ABCC12: variants seen among roughly 807,000 people sequenced by gnomAD.
The protein encoded by ABCC12 is ATP-binding cassette sub-family C member 12.
A neutral mutation model predicts 151.1 loss-of-function variants in ABCC12; 142 were observed. That is an observed-to-expected ratio of 0.94 (90% CI 0.82 to 1.08). The LOEUF is 1.08. Ranked by LOEUF, ABCC12 falls within the 50% of genes least tolerant of loss-of-function variation. The pLI is 0.00. For synonymous variants in ABCC12, 645 were observed against 646.4 expected, an observed-to-expected ratio of 1.00 and a Z score of 0.03; for missense variants, 1,638 against 1,691.1, an observed-to-expected ratio of 0.97 and a Z score of 0.55.
chr16:48,138,199 G>C (rs201535431), intron 8 of ABCC12, 29 bp downstream of exon 8: 1 of 1,578,066 alleles, frequency 6.3e-7, no homozygotes, highest in Non-Finnish European at 8.7e-7. Flanking sequence ...CAAGGTAAGT[G>C]GTTCTTTAAG....
At chr16:48,104,411 C>T in intron 21 of ABCC12, 43 bp from the exon 22 acceptor site, 2 of 1,565,324 alleles carry the variant, frequency 1.3e-6, no homozygotes, top group Non-Finnish European at 1.8e-6. Context: ...GAGATGCGTG[C>T]TTAGTAAACC....
chr16:48,141,002 C>A, intron 5 of ABCC12, 82 bp from the exon 6 acceptor site: 2 of 1,454,210 alleles, frequency 1.4e-6, no homozygotes, highest in East Asian at 2.3e-5. Flanking sequence ...TGCCAGCAAG[C>A]TGACTTTAAG....
chr16:48,128,381 T>C, intron 11 of ABCC12, 78 bp downstream of exon 11: 2 of 1,565,812 alleles, frequency 1.3e-6, no homozygotes, highest in Non-Finnish European at 1.7e-6. Flanking sequence ...AACTGAACTG[T>C]ATCAGACCTG....
chr16:48,121,822 C>T lies in ABCC12; in HGVS notation c.1606G>A (p.Val536Met), dbSNP rs754700430. Residue 536 changes from valine to methionine, a missense_variant, in exon 13 of 31, where the codon GTG (valine) becomes ATG (methionine). By Grantham distance (21) the Val-to-Met change is conservative. Coordinates refer to ENST00000311303, the MANE Select transcript of ABCC12 (RefSeq NM_001393797.1). ...LLGQMQLQKG[V>M]VAVNGTLAYV... is the part of the protein sequence containing the mutation. ...GCCAAAGTTCCATTGACTGCCACCA[C>T]CCCTTTCTGCAGCTGCATCTGGAAC... 2 of 1,614,092 alleles carry T rather than the reference C, an allele frequency of 1.2e-6. No individual in the cohort carries two copies. The highest frequency in any genetic ancestry group is 1.7e-6 in the Non-Finnish European group (2 of 1,180,040).
chr16:48,115,434 AG>A lies in ABCC12; in HGVS notation c.1969del (p.Leu657TrpfsTer2). 1 of 1,614,050 alleles carries A rather than the reference AG, an allele frequency of 6.2e-7. No homozygotes were observed. Among genetic ancestry groups the A allele is most frequent in the South Asian group, 1.1e-5 (1 of 91,078 alleles). Reference protein sequence around the residue: ...KKTLRGKTVVLVTHQLQFLES... With the variant: ...KKTLRGKTVVXVTHQLQFLES... ...CATCACCTGTAGCTGGTGGGTCACC[AG>A]GACGACTGTCTTTCCCCTGAGCGTC... On this transcript the variant is annotated frameshift_variant, in exon 15 of 31. Transcript: ENST00000311303. LOFTEE classifies it high-confidence loss of function.
At chr16:48,096,635 A>G in intron 24 of ABCC12, 111 bp downstream of exon 24, 1 of 1,157,792 alleles carries the variant, frequency 8.6e-7, no homozygotes, top group South Asian at 1.4e-5. Flanking sequence ...TCCCTTTCTC[A>G]TTTAAACCCA....
rs1259882814 is a variant in ABCC12, at chr16:48,081,933, C to T, written c.*1782G>A. On this transcript the variant is annotated 3_prime_UTR_variant, in exon 31 of 31. Coordinates refer to ENST00000311303, the MANE Select transcript of ABCC12 (RefSeq NM_001393797.1). ...GCACAACTGTCATGGATTCCCATGGCCAGCACAGACTGCCCAGTCTGCTTG... is the reference window on the plus strand; with the variant it reads ...GCACAACTGTCATGGATTCCCATGGTCAGCACAGACTGCCCAGTCTGCTTG... Among the ~76,000 whole-genome samples the T allele has an allele frequency of 6.6e-6, 1 of 152,132 alleles. No individual in the cohort carries two copies. The highest frequency in any genetic ancestry group is 1.5e-5 in the Non-Finnish European group (1 of 68,030).
intron 23 of ABCC12, 63 bp downstream of exon 23, chr16:48,100,809 A>C (rs569848750): frequency 7.0e-6 from 11 of 1,568,218 alleles, no homozygotes; most frequent in Middle Eastern, 1.9e-4. Context: ...CCTCCTGTGC[A>C]CTCCCCATCG....
At chr16:48,155,680 C>A (rs989291608) in intron 1 of ABCC12, 161 bp downstream of exon 1, 1 of 152,256 alleles carries the variant, frequency 6.6e-6, no homozygotes, top group African/African-American at 2.4e-5. Flanking sequence ...TGCTGCCTCC[C>A]ACTTGGGCAG....
chr16:48,096,988 G>A (rs1000092602), intron 23 of ABCC12, 86 bp from the exon 24 acceptor site: 6 of 1,550,682 alleles, frequency 3.9e-6, no homozygotes, highest in African/African-American at 2.7e-5. Context: ...TAGACTTAAG[G>A]TTAGGGTGAC....
intron 2 of ABCC12, among the ~76,000 whole-genome samples, chr16:48,152,186 C>G (rs530451798): frequency 6.6e-6 from 1 of 152,348 alleles, no homozygotes; most frequent in South Asian, 2.1e-4. Context: ...CCACTCAGAA[C>G]AGCCTCCTGC....
chr16:48,139,188 A>G lies in ABCC12; in HGVS notation c.806T>C (p.Val269Ala), dbSNP rs1242891020. The change falls in exon 7 of 31, where the codon GTG becomes GCG. Residue 269 changes from valine (V) to alanine (A), a missense_variant. Physicochemically the swap from Val to Ala is moderately conservative, Grantham distance 64 (BLOSUM62 0). Transcript: ENST00000311303. Reference protein sequence around the residue: ...LGPTALIGISVYVIFIPVQMF... With the variant: ...LGPTALIGISAYVIFIPVQMF... Reference sequence around the variant, plus strand: ...CTGGACGGGTATGAATATGACATACACTGATATCCCGATGAGAGCTGTGGG... The same window carrying G: ...CTGGACGGGTATGAATATGACATACGCTGATATCCCGATGAGAGCTGTGGG... The G allele has an allele frequency of 1.2e-6, 2 of 1,610,780 alleles. No homozygotes were observed. Among genetic ancestry groups the G allele is most frequent in the Admixed American group, 1.7e-5 (1 of 58,868 alleles).
chr16:48,143,062 A>C (rs1964873514), intron 4 of ABCC12, among the ~76,000 whole-genome samples: 1 of 152,270 alleles, frequency 6.6e-6, no homozygotes, highest in Non-Finnish European at 1.5e-5. Flanking sequence ...AATGACATTT[A>C]CATTTTTACA....
At chr16:48,115,362 G>C in intron 15 of ABCC12, 53 bp downstream of exon 15, 1 of 1,579,556 alleles carries the variant, frequency 6.3e-7, no homozygotes, top group Non-Finnish European at 8.7e-7. Context: ...GTGAGCATCA[G>C]ATCCCCAGCC....
At chr16:48,150,672 A>G (rs1965105391) in intron 2 of ABCC12, among the ~76,000 whole-genome samples, 1 of 152,188 alleles carries the variant, frequency 6.6e-6, no homozygotes, top group Non-Finnish European at 1.5e-5. Flanking sequence ...ATCGTATTAG[A>G]ACTAAGATCT....
intron 2 of ABCC12, among the ~76,000 whole-genome samples, 190 bp downstream of exon 2, chr16:48,153,426 C>T (rs556662770): frequency 5.9e-5 from 9 of 152,062 alleles, no homozygotes; most frequent in Non-Finnish European, 8.8e-5. Context: ...TTTTTCTGCA[C>T]ACTTCTCAGC....
At chr16:48,145,426 T>C (rs886450192) in intron 3 of ABCC12, among the ~76,000 whole-genome samples, 1 of 152,252 alleles carries the variant, frequency 6.6e-6, no homozygotes, top group Non-Finnish European at 1.5e-5. Context: ...CCTGAGTTTC[T>C]ATCCTGGATT....
At chr16:48,143,834 A>G in intron 4 of ABCC12, 76 bp downstream of exon 4, 1 of 1,512,372 alleles carries the variant, frequency 6.6e-7, no homozygotes, top group Non-Finnish European at 8.9e-7. Flanking sequence ...TTTCTTTATA[A>G]ATTACCCACT....
At chr16:48,124,384 G>A (rs948409169) in intron 11 of ABCC12, 100 bp from the exon 12 acceptor site, 92 of 1,143,006 alleles carry the variant, frequency 8.0e-5, no homozygotes, top group Admixed American at 5.6e-4. Context: ...CAGGCCAGGC[G>A]GAGAACAAGG....
Sources: allele counts gnomAD v4.1 joint callset (sites outside exome capture counted in the v4.1 genomes callset), GRCh38; gene constraint gnomAD v4.1.1; transcripts MANE v1.5; gene names NCBI Gene and HGNC (gene_info 2026-07-23, HGNC 2026-07-21).